The following MYO7A variants were observed in gnomAD, a reference collection of about 807,000 sequenced individuals.
MYO7A encodes the protein myosin VIIA.
In MYO7A, 210 loss-of-function variants were observed where a neutral mutation model predicts 263.8. That is an observed-to-expected ratio of 0.80 (90% CI 0.71 to 0.89). The LOEUF (loss-of-function observed/expected upper bound fraction) is 0.89. Ranked by LOEUF, MYO7A falls within the 40% of genes least tolerant of loss-of-function variation. MYO7A has a pLI of 0.00. For synonymous variants in MYO7A, 1,239 were observed against 1,197.3 expected, an observed-to-expected ratio of 1.03 and a Z score of -0.72; for missense variants, 2,820 against 2,968.3, an observed-to-expected ratio of 0.95 and a Z score of 1.16.
intron 48 of MYO7A, 87 bp from the exon 49 acceptor site, chr11:77,214,520 T>C (rs1285648003): frequency 3.0e-6 from 3 of 997,008 alleles, no homozygotes; most frequent in African/African-American, 3.2e-5. Flanking sequence ...GTTCTGCCCA[T>C]TGCAGATTCC....
chr11:77,131,409 C>T (rs1323685170), intron 2 of MYO7A, among the ~76,000 whole-genome samples: 4 of 152,160 alleles, frequency 2.6e-5, no homozygotes, highest in African/African-American at 7.2e-5. Flanking sequence ...CATATGAGTG[C>T]GTGCGCGTGT....
At chr11:77,207,075 A>C (rs1957488543) in intron 41 of MYO7A, 1 of 471,810 alleles carries the variant, frequency 2.1e-6, no homozygotes, top group African/African-American at 2.0e-5. Flanking sequence ...CGCCAAGGCC[A>C]CCTTCTGCTT....
intron 18 of MYO7A, among the ~76,000 whole-genome samples, chr11:77,175,892 G>A (rs1306860316): frequency 3.3e-5 from 5 of 152,196 alleles, no homozygotes; most frequent in African/African-American, 7.2e-5. Flanking sequence ...GCTGGGGTCC[G>A]CAGCATGCCA....
chr11:77,150,955 G>T (rs904341737), intron 4 of MYO7A, among the ~76,000 whole-genome samples: 1 of 152,184 alleles, frequency 6.6e-6, no homozygotes, highest in Non-Finnish European at 1.5e-5. Context: ...TTCATGGATT[G>T]GGTTACCCTG....
At chr11:77,204,359 A>C (rs1433889820) in intron 39 of MYO7A, 130 bp downstream of exon 39, 8 of 1,296,162 alleles carry the variant, frequency 6.2e-6, no homozygotes, top group African/African-American at 1.5e-5. Flanking sequence ...GGAGCTGCTC[A>C]TGGGCCCCCT....
At chr11:77,214,004 A>C (rs112096005) in intron 48 of MYO7A, 25 bp downstream of exon 48, 1 of 1,613,168 alleles carries the variant, frequency 6.2e-7, no homozygotes, top group African/African-American at 1.3e-5. Flanking sequence ...TGCTGGGCCT[A>C]GTGGGCTCCC....
Position 77,172,883 on chromosome 11 carries a change from A to G in MYO7A, c.1933A>G (p.Met645Val), listed in dbSNP as rs1954253807. 6.5e-7 allele frequency: 1 copy of G among 1,549,948 alleles called. No individual in the cohort carries two copies. The highest frequency in any genetic ancestry group is 1.2e-5 in the South Asian group (1 of 84,022). ...CIKPNEFKKP[M>V]LFDRHLCVRQ... is the part of the protein sequence containing the mutation. Reference sequence around the variant, plus strand: ...CAAGCCCAATGAGTTCAAGAAGCCCATGGTGAGTGGCCCTGGCCTGGGGTT... The same window carrying G: ...CAAGCCCAATGAGTTCAAGAAGCCCGTGGTGAGTGGCCCTGGCCTGGGGTT... Residue 645 changes from methionine to valine, a missense_variant and splice_region_variant, in exon 16 of 49, where the codon ATG (methionine) becomes GTG (valine). By Grantham distance (21) the Met-to-Val change is conservative. Transcript: ENST00000409709.
intron 31 of MYO7A, 140 bp from the exon 32 acceptor site, chr11:77,194,214 G>A (rs1565447298): frequency 2.0e-6 from 2 of 1,015,116 alleles, no homozygotes; most frequent in African/African-American, 1.6e-5. Context: ...GTGAATCAGT[G>A]AGAAGCCTGG....
At position 77,177,597 on chromosome 11, in the gene MYO7A, G is replaced by A. The variant is rs36090425; in HGVS notation, c.2236G>A (p.Asp746Asn). 1,707 of 1,612,112 alleles carry A rather than the reference G, an allele frequency of 1.1e-3. 21 individuals are homozygous for A. The African/African-American group carries it at 0.02, about 19-fold the overall frequency. Residue 746 changes from aspartate to asparagine, a missense_variant, in exon 19 of 49, where the codon GAC (aspartate) becomes AAC (asparagine). Transcript: ENST00000409709. The part of the protein sequence containing the change: ...LEVERDKAIT[D>N]RVILLQKVIR... ...AGTGGAGCGGGACAAAGCCATCACC[G>A]ACAGAGTCATCCTCCTTCAGAAAGT... is the stretch of plus-strand genomic sequence containing the variant.
Position 77,194,343 on chromosome 11 carries a change from C to A in MYO7A, c.4153-11C>A, listed in dbSNP as rs727503330. On this transcript the variant is annotated splice_polypyrimidine_tract_variant and intron_variant, in intron 31 of 48. Coordinates refer to ENST00000409709, the MANE Select transcript of MYO7A (RefSeq NM_000260.4). ...TGGGCCAATGCATGACCGAGGCCTC[C>A]CCCCACCTAGGAGGACGACCTGGCT... 1 of 1,609,086 alleles carries A rather than the reference C, an allele frequency of 6.2e-7. No individual in the cohort carries two copies. The highest frequency in any genetic ancestry group is 1.7e-4 in the Middle Eastern group (1 of 6,048).
At chr11:77,155,095 A>G (rs1952321128) in intron 4 of MYO7A, among the ~76,000 whole-genome samples, 1 of 152,108 alleles carries the variant, frequency 6.6e-6, no homozygotes, top group Non-Finnish European at 1.5e-5. Flanking sequence ...TTCAAGTTTG[A>G]GACGTGGGGT....
At chr11:77,175,342 A>C (rs1555079379) in intron 17 of MYO7A, 30 bp from the exon 18 acceptor site, 2 of 1,606,958 alleles carry the variant, frequency 1.2e-6, no homozygotes, top group Middle Eastern at 1.7e-4. Flanking sequence ...GAGGCTGTCC[A>C]TTCCCTTGTG....
chr11:77,181,931 A>G lies in MYO7A; in HGVS notation c.2905-20A>G, dbSNP rs1555084726. 9 of 1,611,334 alleles carry G rather than the reference A, an allele frequency of 5.6e-6. No individual in the cohort carries two copies. Among genetic ancestry groups the G allele is most frequent in the Non-Finnish European group, 7.6e-6 (9 of 1,178,794 alleles). ...TCCTGAGTAGCTGGGACTCCAGGGC[A>G]TACCTCTTGTCTCCTTCAGGACCTG... On this transcript the variant is annotated intron_variant, in intron 23 of 48. Transcript: ENST00000409709.
chr11:77,129,697 T>C (rs983381237), intron 1 of MYO7A, among the ~76,000 whole-genome samples: 1 of 152,144 alleles, frequency 6.6e-6, no homozygotes, highest in Non-Finnish European at 1.5e-5. Flanking sequence ...AAGGGGAATA[T>C]AGAGGCTCTT....
intron 3 of MYO7A, among the ~76,000 whole-genome samples, chr11:77,147,474 C>T (rs1295855892): frequency 2.0e-5 from 3 of 152,040 alleles, no homozygotes; most frequent in South Asian, 2.1e-4. Flanking sequence ...TAATTATTAC[C>T]CTTTCCACTC....
Position 77,157,009 on chromosome 11 carries a change from G to A in MYO7A, c.735+5G>A. 6.2e-7 allele frequency: 1 copy of A among 1,611,518 alleles called. No individual in the cohort carries two copies. Among genetic ancestry groups the A allele is most frequent in the East Asian group, 2.2e-5 (1 of 44,858 alleles). On this transcript the variant is annotated splice_donor_5th_base_variant and intron_variant, in intron 7 of 48. Transcript: ENST00000409709. ...AAGTCACGTGTCTGTCGCCAGGTGGGCCTGAGCCCCAGGGATGCAGGAATA... is the reference window on the plus strand; with the variant it reads ...AAGTCACGTGTCTGTCGCCAGGTGGACCTGAGCCCCAGGGATGCAGGAATA...
chr11:77,157,875 C>T (rs1555065028), intron 8 of MYO7A, among the ~76,000 whole-genome samples: 2 of 152,168 alleles, frequency 1.3e-5, no homozygotes, highest in African/African-American at 4.8e-5. Flanking sequence ...TATGCAGTTA[C>T]CTCTCCTCTG....
At position 77,142,486 on chromosome 11, in the gene MYO7A, G is replaced by C. The variant is rs564753119; in HGVS notation, c.19-223G>C. On this transcript the variant is annotated intron_variant, in intron 2 of 48. Coordinates refer to ENST00000409709, the MANE Select transcript of MYO7A (RefSeq NM_000260.4). Reference sequence around the variant, plus strand: ...CCTCTGCTAAGTCATCCATAAAATGGGAATATGGCTGTTCTAGAGGGGGGA... The same window carrying C: ...CCTCTGCTAAGTCATCCATAAAATGCGAATATGGCTGTTCTAGAGGGGGGA... 2.0e-4 allele frequency: 123 copies of C among 611,292 alleles called. 1 individual carries two copies. Among genetic ancestry groups the C allele is most frequent in the South Asian group, 1.7e-3 (112 of 65,926 alleles). 37.9% of individuals were successfully genotyped at this position (611,292 alleles called of 1,614,324 possible).
intron 15 of MYO7A, among the ~76,000 whole-genome samples, chr11:77,168,532 C>T (rs782056199): frequency 5.7e-4 from 87 of 152,052 alleles, no homozygotes; most frequent in Non-Finnish European, 7.2e-4. Context: ...TGGTGGCTCA[C>T]ACCTATGATC....
Sources: allele counts gnomAD v4.1 joint callset (sites outside exome capture counted in the v4.1 genomes callset), GRCh38; gene constraint gnomAD v4.1.1; transcripts MANE v1.5; gene names NCBI Gene and HGNC (gene_info 2026-07-23, HGNC 2026-07-21).